Variants in RERE observed in about 807,000 individuals in gnomAD.
RERE encodes the protein arginine-glutamic acid dipeptide repeats.
A neutral mutation model predicts 146.1 loss-of-function variants in RERE; 40 were observed. That is an observed-to-expected ratio of 0.27 (90% CI 0.21 to 0.36). The LOEUF is 0.36. Ranked by LOEUF, RERE falls within the 10% of genes least tolerant of loss-of-function variation. The probability of loss-of-function intolerance (pLI) is 1.00; values close to 1 mark genes in which losing one functional copy is unlikely to be tolerated. For missense variants in RERE, 1,933 were observed against 2,138.7 expected, an observed-to-expected ratio of 0.90 and a Z score of 1.90; for synonymous variants, 1,003 against 866.0, an observed-to-expected ratio of 1.16 and a Z score of -2.78.
At chr1:8,413,046 T>G (rs955982938) in intron 12 of RERE, among the ~76,000 whole-genome samples, 2 of 152,230 alleles carry the variant, frequency 1.3e-5, no homozygotes, top group Non-Finnish European at 2.9e-5. Context: ...TGAAGAGTTT[T>G]CACGTCTTAG....
intron 6 of RERE, among the ~76,000 whole-genome samples, chr1:8,544,228 T>A (rs571890100): frequency 6.6e-6 from 1 of 152,358 alleles, no homozygotes; most frequent in South Asian, 2.1e-4. Context: ...ATGTATTTTT[T>A]AAACAAGGTA....
rs1641316562 is a variant in RERE at position 8,356,891 on chromosome 1, G to GCCCTGGGGT, written c.4340-654_4340-646dup. On this transcript the variant is annotated intron_variant, in intron 20 of 22. Coordinates refer to ENST00000400908, the MANE Select transcript of RERE (RefSeq NM_001042681.2). This position sits in a 1 kb window ranked among gnomAD's most constrained non-coding sequence, Gnocchi z 5.2. ...CAGGGTTGCCACCTCCAGCCATGCT[G>GCCCTGGGGT]CCCTGGGGTCCCTGGAAGATTGGGA... Among the ~76,000 whole-genome samples the GCCCTGGGGT allele has an allele frequency of 6.6e-6, 1 of 152,250 alleles. No homozygotes were observed. The highest frequency in any genetic ancestry group is 6.5e-5 in the Admixed American group (1 of 15,288).
chr1:8,669,719 T>TG (rs1638671265), intron 1 of RERE, among the ~76,000 whole-genome samples: 1 of 152,222 alleles, frequency 6.6e-6, no homozygotes, highest in Non-Finnish European at 1.5e-5. Context: ...CAGGAATTCT[T>TG]GGTCAGGCTT....
At chr1:8,714,914 G>A (rs6693127) in intron 1 of RERE, among the ~76,000 whole-genome samples, 35,618 of 151,460 alleles carry the variant, frequency 0.24, 4,285 homozygotes, top group Middle Eastern at 0.28. Flanking sequence ...TCACTCTGTC[G>A]CCAAGCCGGA....
chr1:8,604,090 G>A (rs1274569106), intron 4 of RERE, among the ~76,000 whole-genome samples: 3 of 152,184 alleles, frequency 2.0e-5, no homozygotes, highest in Non-Finnish European at 2.9e-5. Flanking sequence ...GTGCTTCAAA[G>A]GAGTATGGAT....
chr1:8,604,603 AGGGAGGG>A (rs1646675981), intron 4 of RERE, among the ~76,000 whole-genome samples: 1 of 58,748 alleles, frequency 1.7e-5, no homozygotes, highest in East Asian at 4.1e-4. Flanking sequence ...GAAGGAAGGG[AGGGAGGG>A]AGGGAGGGAG....
intron 10 of RERE, among the ~76,000 whole-genome samples, chr1:8,467,234 G>A (rs74812922): frequency 6.2e-4 from 94 of 152,252 alleles, no homozygotes; most frequent in African/African-American, 2.0e-3. Context: ...AGCATTTGCC[G>A]AACATTCAGG....
chr1:8,365,745 A>T, intron 13 of RERE, 67 bp downstream of exon 13: 1 of 1,569,602 alleles, frequency 6.4e-7, no homozygotes, highest in Non-Finnish European at 8.7e-7. Flanking sequence ...CTACGGGCCC[A>T]GAGTGGGACA....
intron 1 of RERE, among the ~76,000 whole-genome samples, chr1:8,723,977 GTC>G (rs1221647257): frequency 2.6e-5 from 4 of 152,124 alleles, no homozygotes; most frequent in Non-Finnish European, 5.9e-5. Context: ...AATCTATATA[GTC>G]TCTGTGTGTT....
chr1:8,677,965 ATTTG>A (rs879472986), intron 1 of RERE, among the ~76,000 whole-genome samples: 2 of 152,116 alleles, frequency 1.3e-5, no homozygotes, highest in Non-Finnish European at 2.9e-5. Flanking sequence ...CAGAAAAACT[ATTTG>A]TTTGTATTGC....
chr1:8,549,145 C>T (rs1190909100), intron 6 of RERE, among the ~76,000 whole-genome samples: 1 of 152,114 alleles, frequency 6.6e-6, no homozygotes, highest in African/African-American at 2.4e-5. Flanking sequence ...CCAGTAGTAA[C>T]ACACATGCCT....
At chr1:8,675,344 A>G (rs1638809769) in intron 1 of RERE, among the ~76,000 whole-genome samples, 1 of 152,074 alleles carries the variant, frequency 6.6e-6, no homozygotes, top group Non-Finnish European at 1.5e-5. Flanking sequence ...GCATTTTTAG[A>G]ATATCAGAGA....
rs554579050 is a variant in RERE, at chr1:8,697,640, G to A, written c.-144-41199C>T. ...TCCTGACCTCGTGATCCGCCGCCTC[G>A]GCCTCCCAAAGTGCTGGGATTACAG... On this transcript the variant is annotated intron_variant, in intron 1 of 22. Coordinates refer to ENST00000400908, the MANE Select transcript of RERE (RefSeq NM_001042681.2). Among the ~76,000 whole-genome samples the A allele has an allele frequency of 5.3e-4, 80 of 152,142 alleles. No individual in the cohort carries two copies. The East Asian group carries it at 0.011, about 21-fold the overall frequency.
intron 8 of RERE, among the ~76,000 whole-genome samples, chr1:8,500,914 T>C (rs1411780089): frequency 2.0e-5 from 3 of 148,516 alleles, no homozygotes; most frequent in Admixed American, 6.7e-5. Context: ...GTCTGAGAAG[T>C]GAGGAAACCC....
chr1:8,606,743 C>T (rs944107436), intron 4 of RERE, among the ~76,000 whole-genome samples: 1 of 152,052 alleles, frequency 6.6e-6, no homozygotes, highest in Non-Finnish European at 1.5e-5. Flanking sequence ...AAAAAGAACA[C>T]AAAAGCTATT....
At chr1:8,792,993 C>T (rs570591474) in intron 1 of RERE, among the ~76,000 whole-genome samples, 1 of 151,810 alleles carries the variant, frequency 6.6e-6, no homozygotes, top group Non-Finnish European at 1.5e-5. Flanking sequence ...CCCGTTTCTA[C>T]TACAAATACA....
chr1:8,656,440 T>C lies in RERE; in HGVS notation c.-143A>G. ...TCCAACAACCCCAACGTTTCAAAAATGCTAGGAGAGAAAAAAGAATGGTTT... is the reference window on the plus strand; with the variant it reads ...TCCAACAACCCCAACGTTTCAAAAACGCTAGGAGAGAAAAAAGAATGGTTT... On this transcript the variant is annotated splice_region_variant and 5_prime_UTR_variant, in exon 2 of 23. Transcript: ENST00000400908. 4 of 1,112,384 alleles carry C rather than the reference T, an allele frequency of 3.6e-6. No homozygotes were observed. Among genetic ancestry groups the C allele is most frequent in the South Asian group, 3.4e-5 (2 of 58,944 alleles). 68.9% of individuals were successfully genotyped at this position (1,112,384 alleles called of 1,614,324 possible). A position where few individuals can be genotyped will look rare whatever the true frequency, so the allele number is the denominator to read the frequency against.
chr1:8,642,017 A>C (rs891588035), intron 2 of RERE, among the ~76,000 whole-genome samples: 4 of 152,210 alleles, frequency 2.6e-5, no homozygotes, highest in Admixed American at 2.6e-4. Flanking sequence ...AGAAGGATTT[A>C]ACAGAATCAA....
At chr1:8,537,287 T>C (rs1413604201) in intron 7 of RERE, among the ~76,000 whole-genome samples, 1 of 152,158 alleles carries the variant, frequency 6.6e-6, no homozygotes, top group Non-Finnish European at 1.5e-5. Context: ...CTAAAATCCT[T>C]AGGATGAGAG....
Sources: gnomAD v4.1 joint callset for allele counts (sites outside exome capture counted in the v4.1 genomes callset) on GRCh38, gnomAD v4.1.1 for gene constraint, Gnocchi (gnomAD v3.1) non-coding constraint, MANE v1.5 for transcripts, NCBI Gene and HGNC (gene_info 2026-07-23, HGNC 2026-07-21) for gene names.